Variants in PDGFC observed in about 807,000 individuals in gnomAD.
The protein encoded by PDGFC is platelet derived growth factor C, also known as platelet-derived growth factor C.
PDGFC carries 12 observed loss-of-function variants against 35.5 expected under a neutral mutation model. The observed-to-expected ratio is 0.34, with a 90% confidence interval of 0.22 to 0.55. The LOEUF (loss-of-function observed/expected upper bound fraction) is 0.55. Among genes scored for constraint, PDGFC ranks in the 20% least tolerant of loss-of-function variants. PDGFC has a pLI of 0.91. For missense variants in PDGFC, 322 were observed against 412.4 expected (o/e 0.78, Z 1.90); for synonymous variants, 159 against 148.8 (o/e 1.07, Z -0.50).
At chr4:156,777,658 C>T (rs1306465424) in intron 3 of PDGFC, among the ~76,000 whole-genome samples, 1 of 152,150 alleles carries the variant, frequency 6.6e-6, no homozygotes, top group Non-Finnish European at 1.5e-5. Flanking sequence ...TTGTTTAAGG[C>T]ACCACTGTTT....
At chr4:156,819,181 C>T (rs549173528) in intron 2 of PDGFC, among the ~76,000 whole-genome samples, 70 of 152,222 alleles carry the variant, frequency 4.6e-4, no homozygotes, top group Non-Finnish European at 1.5e-4. Context: ...GCAGCAAGTA[C>T]TGATGGAGAA....
At chr4:156,795,690 T>C (rs1273745355) in intron 3 of PDGFC, among the ~76,000 whole-genome samples, 3 of 152,222 alleles carry the variant, frequency 2.0e-5, no homozygotes, top group Non-Finnish European at 4.4e-5. Flanking sequence ...TAATGTGGAC[T>C]GCTTTGAAAA....
chr4:156,941,488 G>A (rs956797111), intron 1 of PDGFC, among the ~76,000 whole-genome samples: 6 of 152,156 alleles, frequency 3.9e-5, no homozygotes, highest in Admixed American at 1.3e-4. Context: ...ATACTGTGCT[G>A]AGAGAAACAA....
At chr4:156,780,307 G>A (rs1434736306) in intron 3 of PDGFC, among the ~76,000 whole-genome samples, 5 of 151,990 alleles carry the variant, frequency 3.3e-5, no homozygotes, top group Non-Finnish European at 5.9e-5. Flanking sequence ...GCCTAACAGT[G>A]ATGAACTTCC....
chr4:156,829,867 G>A (rs537790936), intron 2 of PDGFC, among the ~76,000 whole-genome samples: 3 of 151,992 alleles, frequency 2.0e-5, no homozygotes, highest in Admixed American at 6.5e-5. Context: ...AGGATCAATC[G>A]TGCATCACTT....
chr4:156,962,839 CT>C (rs1732374094), intron 1 of PDGFC, among the ~76,000 whole-genome samples: 1 of 152,014 alleles, frequency 6.6e-6, no homozygotes, highest in Admixed American at 6.6e-5. Flanking sequence ...CATGTGGCAC[CT>C]AAGAGTCACT....
chr4:156,815,509 A>G (rs1294802046), intron 2 of PDGFC, among the ~76,000 whole-genome samples: 1 of 152,188 alleles, frequency 6.6e-6, no homozygotes, highest in East Asian at 1.9e-4. Context: ...CACCATTTGC[A>G]GAATATGGGA....
chr4:156,870,374 T>C (rs1729951260), intron 1 of PDGFC, among the ~76,000 whole-genome samples: 1 of 152,114 alleles, frequency 6.6e-6, no homozygotes, highest in Non-Finnish European at 1.5e-5. Context: ...AAACAGACAA[T>C]ATTTCATAAC....
chr4:156,944,966 T>C (rs1560885171), intron 1 of PDGFC, among the ~76,000 whole-genome samples: 1 of 151,898 alleles, frequency 6.6e-6, no homozygotes, highest in Non-Finnish European at 1.5e-5. Context: ...GTGAAGGCCT[T>C]CTCTGCCATC....
intron 1 of PDGFC, among the ~76,000 whole-genome samples, chr4:156,911,288 T>C (rs946467756): frequency 2.0e-5 from 3 of 152,170 alleles, no homozygotes; most frequent in African/African-American, 7.2e-5. Context: ...CATTTAAACA[T>C]ACATATGTAT....
At chr4:156,891,062 T>C (rs1209289008) in intron 1 of PDGFC, among the ~76,000 whole-genome samples, 1 of 152,050 alleles carries the variant, frequency 6.6e-6, no homozygotes, top group African/African-American at 2.4e-5. Flanking sequence ...CCTGCACTAT[T>C]ATGGTATAGC....
At chr4:156,794,273 T>C (rs28377939) in intron 3 of PDGFC, among the ~76,000 whole-genome samples, 17,621 of 152,080 alleles carry the variant, frequency 0.12, 1,357 homozygotes, top group African/African-American at 0.2. Flanking sequence ...ATGCTCTATA[T>C]TGGAAGAGCA....
chr4:156,836,682 T>A (rs1313687985), intron 2 of PDGFC, among the ~76,000 whole-genome samples: 1 of 152,232 alleles, frequency 6.6e-6, no homozygotes, highest in Non-Finnish European at 1.5e-5. Context: ...AAGTCCTTAC[T>A]TCCATTCTGT....
chr4:156,912,877 A>T (rs1186705684), intron 1 of PDGFC, among the ~76,000 whole-genome samples: 3 of 152,080 alleles, frequency 2.0e-5, no homozygotes, highest in Admixed American at 2.0e-4. Context: ...GAATGCTGCT[A>T]AAATAGCTGG....
At chr4:156,912,887 G>T (rs934808259) in intron 1 of PDGFC, among the ~76,000 whole-genome samples, 1 of 151,888 alleles carries the variant, frequency 6.6e-6, no homozygotes, top group Admixed American at 6.6e-5. Flanking sequence ...AAAATAGCTG[G>T]AGGGATTAAA....
At chr4:156,796,290 A>G (rs1313709599) in intron 3 of PDGFC, among the ~76,000 whole-genome samples, 2 of 152,070 alleles carry the variant, frequency 1.3e-5, no homozygotes, top group African/African-American at 4.8e-5. Context: ...TTTAACTTAT[A>G]AATGATATCT....
intron 1 of PDGFC, among the ~76,000 whole-genome samples, chr4:156,865,131 A>T (rs1226773763): frequency 3.3e-5 from 5 of 152,042 alleles, no homozygotes; most frequent in Non-Finnish European, 7.4e-5. Flanking sequence ...TAACTTTTTC[A>T]TCATGAAGCA....
At chr4:156,843,192 C>A (rs931772503) in intron 2 of PDGFC, among the ~76,000 whole-genome samples, 2 of 152,182 alleles carry the variant, frequency 1.3e-5, no homozygotes, top group Admixed American at 6.5e-5. Context: ...AAGAGGCCCA[C>A]AAGAGATCCC....
chr4:156,815,038 T>C (rs1305141420), intron 2 of PDGFC, among the ~76,000 whole-genome samples: 1 of 152,142 alleles, frequency 6.6e-6, no homozygotes, highest in Non-Finnish European at 1.5e-5. Flanking sequence ...AGTGCATATA[T>C]TTATGACAGT....
Sources: allele counts gnomAD v4.1 joint callset (sites outside exome capture counted in the v4.1 genomes callset), GRCh38; gene constraint gnomAD v4.1.1; transcripts MANE v1.5; gene names NCBI Gene and HGNC (gene_info 2026-07-23, HGNC 2026-07-21).